FGFR4: variants seen among roughly 807,000 people sequenced by gnomAD.
FGFR4 encodes fibroblast growth factor receptor 4.
A neutral mutation model predicts 89.9 loss-of-function variants in FGFR4; 63 were observed. The ratio of observed to expected loss-of-function variants is 0.70; its 90% CI spans 0.57 to 0.86. The LOEUF (loss-of-function observed/expected upper bound fraction) is 0.86. Ranked by LOEUF, FGFR4 falls within the 40% of genes least tolerant of loss-of-function variation. The pLI is 0.00. For missense variants in FGFR4, 928 were observed against 1,106.7 expected, an observed-to-expected ratio of 0.84 and a Z score of 2.29; for synonymous variants, 486 against 479.4, an observed-to-expected ratio of 1.01 and a Z score of -0.18.
chr5:177,096,852 TCG>T, intron 16 of FGFR4, 111 bp downstream of exon 16: 1 of 1,247,238 alleles, frequency 8.0e-7, no homozygotes, highest in Non-Finnish European at 1.1e-6. Context: ...CAACAACTCC[TCG>T]TCCTCCTCCT....
At chr5:177,088,031 GTTTT>G (rs553068025) in intron 1 of FGFR4, among the ~76,000 whole-genome samples, 1 of 151,986 alleles carries the variant, frequency 6.6e-6, no homozygotes. Context: ...TTTTTTGTTT[GTTTT>G]TTTATTTTAT....
At position 177,087,737 on chromosome 5, in the gene FGFR4, C is replaced by A; in HGVS notation, c.-54+660C>A. ...AGCCGAGCTTGGTAGGGAGTTTTAC[C>A]AAGGAGGATCCGACTGGATTCGAGA... On this transcript the variant is annotated intron_variant, in intron 1 of 17. Transcript: ENST00000292408. The surrounding 1 kb of genome is among the most constrained non-coding windows in gnomAD (Gnocchi z 6.1). 4 of 707,326 alleles carry A rather than the reference C, an allele frequency of 5.7e-6. No individual in the cohort carries two copies. The highest frequency in any genetic ancestry group is 6.9e-6 in the Non-Finnish European group (4 of 575,888). The allele number at this position is 707,326 out of a possible 1,614,324, so 43.8% of individuals were successfully genotyped here.
At chr5:177,096,553 C>T (rs777555449) in intron 15 of FGFR4, 51 bp from the exon 16 acceptor site, 12 of 1,604,544 alleles carry the variant, frequency 7.5e-6, no homozygotes, top group Non-Finnish European at 8.5e-6. Flanking sequence ...CGTCCTAGCC[C>T]CGGTCGTCGG....
rs1401505736 is a variant in FGFR4, at chr5:177,087,690, C to CA, written c.-54+616dup. On this transcript the variant is annotated intron_variant, in intron 1 of 17. Coordinates refer to ENST00000292408, the MANE Select transcript of FGFR4 (RefSeq NM_213647.3). This position sits in a 1 kb window ranked among gnomAD's most constrained non-coding sequence, Gnocchi z 6.1. The stretch of plus-strand genomic sequence containing the variant: ...CCACTCCCAGCCCAAGCTGTGTACC[C>CA]AAAGAGCTGCCCTCCCTGCCAAGCC... The CA allele has an allele frequency of 3.2e-5, 31 of 964,072 alleles. No homozygotes were observed. The highest frequency in any genetic ancestry group is 3.8e-5 in the Non-Finnish European group (31 of 810,616). 59.7% of individuals were successfully genotyped at this position (964,072 alleles called of 1,614,324 possible). A position where few individuals can be genotyped will look rare whatever the true frequency, so the allele number is the denominator to read the frequency against.
At position 177,095,319 on chromosome 5, in the gene FGFR4, T is replaced by C; in HGVS notation, c.1520-11T>C. ...AGGGCAGCCTCTTCACCCCGTCTGCTGCCCTTACAGACAACGCCTCTGACA... is the reference window on the plus strand; with the variant it reads ...AGGGCAGCCTCTTCACCCCGTCTGCCGCCCTTACAGACAACGCCTCTGACA... On this transcript the variant is annotated splice_polypyrimidine_tract_variant and intron_variant, in intron 11 of 17. Coordinates refer to ENST00000292408, the MANE Select transcript of FGFR4 (RefSeq NM_213647.3). The surrounding 1 kb of genome is among the most constrained non-coding windows in gnomAD (Gnocchi z 5.7). 1 of 1,612,522 alleles carries C rather than the reference T, an allele frequency of 6.2e-7. No individual in the cohort carries two copies. Among genetic ancestry groups the C allele is most frequent in the Non-Finnish European group, 8.5e-7 (1 of 1,178,562 alleles).
chr5:177,095,711 G>A lies in FGFR4; in HGVS notation c.1809G>A (p.Leu603=). The A allele has an allele frequency of 6.2e-7, 1 of 1,605,652 alleles. No homozygotes were observed. Among genetic ancestry groups the A allele is most frequent in the Non-Finnish European group, 8.5e-7 (1 of 1,177,536 alleles). ...AGGTGGCCCGAGGCATGCAGTATCT[G>A]GAGTCCCGGAAGGTACAGGCGCTAG... ...AYQVARGMQY[L]ESRKCIHRDL... is the part of the protein sequence containing the mutation. Residue 603 remains leucine (L), a synonymous_variant, in exon 13 of 18, where the codon CTG becomes CTA. Coordinates refer to ENST00000292408, the MANE Select transcript of FGFR4 (RefSeq NM_213647.3). The surrounding 1 kb of genome is among the most constrained non-coding windows in gnomAD (Gnocchi z 5.7).
At chr5:177,090,310 T>C (rs2149730516) in intron 2 of FGFR4, 80 bp from the exon 3 acceptor site, 1 of 1,590,610 alleles carries the variant, frequency 6.3e-7, no homozygotes, top group Non-Finnish European at 8.5e-7. Context: ...GTGCCCTGCA[T>C]GTGCGGTGTG....
In FGFR4 at chr5:177,097,565, C is replaced by A. The variant is rs537546236; in HGVS notation, c.2298C>A (p.Pro766=). 6.2e-7 allele frequency: 1 copy of A among 1,614,114 alleles called. No homozygotes were observed. The highest frequency in any genetic ancestry group is 1.7e-5 in the Admixed American group (1 of 60,024). ...GCCTGACCTTCGGACCCTATTCCCC[C>A]TCTGGTGGGGACGCCAGCAGCACCT... The part of the protein sequence containing the change: ...DLRLTFGPYS[P]SGGDASSTCS... The change falls in exon 18 of 18, where the codon CCC becomes CCA. Residue 766 remains proline, a synonymous_variant. Coordinates refer to ENST00000292408, the MANE Select transcript of FGFR4 (RefSeq NM_213647.3).
Position 177,097,388 on chromosome 5 carries a change from C to A in FGFR4, c.2250C>A (p.Val750=), listed in dbSNP as rs1179827928. The stretch of plus-strand genomic sequence containing the variant: ...CGCTGGACAAGGTCCTGCTGGCCGT[C>A]TCTGAGGAGGTACAGCCCCTCCCAC... ...VEALDKVLLA[V]SEEYLDLRLT... is the part of the protein sequence containing the mutation. The change falls in exon 17 of 18, where the codon GTC becomes GTA. Residue 750 remains valine (V), a synonymous_variant. Transcript: ENST00000292408. 1 of 1,611,880 alleles carries A rather than the reference C, an allele frequency of 6.2e-7. No homozygotes were observed. The highest frequency in any genetic ancestry group is 1.1e-5 in the South Asian group (1 of 90,792).
intron 17 of FGFR4, 48 bp downstream of exon 17, chr5:177,097,445 G>C: frequency 6.2e-7 from 1 of 1,603,364 alleles, no homozygotes; most frequent in Non-Finnish European, 8.5e-7. Flanking sequence ...TCCCCTCCAG[G>C]CCTCATCTGG....
intron 6 of FGFR4, 97 bp downstream of exon 6, chr5:177,091,905 A>C: frequency 1.3e-6 from 2 of 1,516,138 alleles, no homozygotes; most frequent in Non-Finnish European, 1.8e-6. Flanking sequence ...ATGGACTCAG[A>C]TGAGTCAGGC....
rs186245361 is a variant in FGFR4, at chr5:177,087,651, C to G, written c.-54+574C>G. 1 of 985,100 alleles carries G rather than the reference C, an allele frequency of 1.0e-6. No homozygotes were observed. The highest frequency in any genetic ancestry group is 1.7e-5 in the African/African-American group (1 of 57,200). The allele number at this position is 985,100 out of a possible 1,614,324, so 61.0% of individuals were successfully genotyped here. On this transcript the variant is annotated intron_variant, in intron 1 of 17. Transcript: ENST00000292408. The surrounding 1 kb of genome is among the most constrained non-coding windows in gnomAD (Gnocchi z 6.1). The stretch of plus-strand genomic sequence containing the variant: ...GCAGCCTGGGGTAGGAATAAACTCC[C>G]CGGGCCTCCCCACCCACTCCCAGCC...
rs142240686 is a variant in FGFR4 at position 177,090,768 on chromosome 5, G to C, written c.379G>C (p.Asp127His). The C allele has an allele frequency of 2.0e-4, 316 of 1,610,642 alleles. 1 individual carries two copies. In the East Asian group the frequency reaches 5.6e-3, roughly 29 times the overall value. The change falls in exon 4 of 18, where the codon GAT becomes CAT. Residue 127 changes from aspartate to histidine, a missense_variant. Asp to His is a moderately conservative substitution (Grantham distance 81). Around this residue, in one of 5 missense-constraint regions of FGFR4, gnomAD observed 741 missense variants for 836.9 expected, o/e 0.89. Coordinates refer to ENST00000292408, the MANE Select transcript of FGFR4 (RefSeq NM_213647.3). ...AGACTCCTTGACCTCCAGCAACGAT[G>C]ATGAGGACCCCAAGTCCCATAGGGA... is the stretch of plus-strand genomic sequence containing the variant. ...TGDSLTSSND[D>H]EDPKSHRDPS...
Position 177,091,820 on chromosome 5 carries a change from G to A in FGFR4, c.727+12G>A, listed in dbSNP as rs762709285. On this transcript the variant is annotated intron_variant, in intron 6 of 17. Transcript: ENST00000292408. ...GCTAGATGTGCTGGGTGAGCGCGGG[G>A]CTGGGAACAGGGGAGGCCTGACCCA... 1 of 1,613,936 alleles carries A rather than the reference G, an allele frequency of 6.2e-7. No individual in the cohort carries two copies. Among genetic ancestry groups the A allele is most frequent in the South Asian group, 1.1e-5 (1 of 91,074 alleles).
At chr5:177,092,193 T>C (rs1278682161) in intron 6 of FGFR4, 128 bp from the exon 7 acceptor site, 3 of 977,942 alleles carry the variant, frequency 3.1e-6, no homozygotes, top group Non-Finnish European at 4.4e-6. Context: ...TTAAGCAGGG[T>C]AAGCAGGAGA....
rs1458672862 is a variant in FGFR4 at position 177,093,497 on chromosome 5, G to T, written c.1343G>T (p.Gly448Val). ...TCCAGCGGCCCCGCCTTGCTCGCCG[G>T]CCTCGTGAGTCTAGATCTACCTCTC... ...LSSSGPALLAGLVSLDLPLDP... is the reference protein window; with the variant it reads ...LSSSGPALLAVLVSLDLPLDP... Residue 448 changes from glycine to valine, a missense_variant, in exon 10 of 18, where the codon GGC (glycine) becomes GTC (valine). Around this residue, in one of 5 missense-constraint regions of FGFR4, gnomAD observed 741 missense variants for 836.9 expected, o/e 0.89. Transcript: ENST00000292408. This position sits in a 1 kb window ranked among gnomAD's most constrained non-coding sequence, Gnocchi z 5.8. 2.5e-6 allele frequency: 4 copies of T among 1,613,932 alleles called. No individual in the cohort carries two copies. Among genetic ancestry groups the T allele is most frequent in the South Asian group, 1.1e-5 (1 of 91,090 alleles).
intron 1 of FGFR4, 114 bp from the exon 2 acceptor site, chr5:177,089,436 A>T: frequency 8.2e-7 from 1 of 1,218,564 alleles, no homozygotes; most frequent in South Asian, 1.6e-5. Context: ...CTGGCCAGGG[A>T]CTTGGACACA....
chr5:177,089,869 C>A, intron 2 of FGFR4, 176 bp downstream of exon 2: 1 of 848,816 alleles, frequency 1.2e-6, no homozygotes, highest in Non-Finnish European at 1.9e-6. Flanking sequence ...AAGCATTCAT[C>A]TATCACTGTG....
chr5:177,091,087 C>T lies in FGFR4; in HGVS notation c.586C>T (p.Arg196Cys), dbSNP rs1784352272. 12 of 1,587,898 alleles carry T rather than the reference C, an allele frequency of 7.6e-6. No individual in the cohort carries two copies. Among genetic ancestry groups the T allele is most frequent in the East Asian group, 6.8e-5 (3 of 43,892 alleles). Residue 196 changes from arginine (R) to cysteine (C), a missense_variant, in exon 5 of 18, where the codon CGC becomes TGC. Arg to Cys is a radical substitution (Grantham distance 180). Around this residue, in one of 5 missense-constraint regions of FGFR4, gnomAD observed 741 missense variants for 836.9 expected, o/e 0.89. Coordinates refer to ENST00000292408, the MANE Select transcript of FGFR4 (RefSeq NM_213647.3). ...KDGQAFHGENRIGGIRLRHQH... is the reference protein window; with the variant it reads ...KDGQAFHGENCIGGIRLRHQH... ...TGGACAGGCCTTTCATGGGGAGAACCGCATTGGAGGCATTCGGGTGAGTCT... is the reference window on the plus strand; with the variant it reads ...TGGACAGGCCTTTCATGGGGAGAACTGCATTGGAGGCATTCGGGTGAGTCT...
Sources: gnomAD v4.1 joint callset for allele counts (sites outside exome capture counted in the v4.1 genomes callset) on GRCh38, gnomAD v4.1.1 for gene constraint, gnomAD v4.1.1 regional missense constraint, Gnocchi (gnomAD v3.1) non-coding constraint, MANE v1.5 for transcripts, NCBI Gene and HGNC (gene_info 2026-07-23, HGNC 2026-07-21) for gene names.